ANO4: variants seen among roughly 807,000 people sequenced by gnomAD.
ANO4 encodes anoctamin 4, also known as anoctamin-4.
In ANO4, 69 loss-of-function variants were observed where a neutral mutation model predicts 141.9. That is an observed-to-expected ratio of 0.49 (90% CI 0.40 to 0.59). ANO4 has a LOEUF of 0.59. Ranked by LOEUF, ANO4 falls within the 20% of genes least tolerant of loss-of-function variation. The pLI is 0.00. For missense variants in ANO4, 894 were observed against 1,162.2 expected (o/e 0.77, Z 3.36); for synonymous variants, 350 against 394.3 (o/e 0.89, Z 1.33).
chr12:100,921,841 A>G (rs567850679), intron 2 of ANO4, among the ~76,000 whole-genome samples: 54 of 152,274 alleles, frequency 3.5e-4, no homozygotes, highest in African/African-American at 1.3e-3. Flanking sequence ...TAAGAAGAAG[A>G]TGATATCATA....
At chr12:100,785,127 A>G (rs2033828303) in intron 3 of ANO4, among the ~76,000 whole-genome samples, 1 of 152,166 alleles carries the variant, frequency 6.6e-6, no homozygotes, top group African/African-American at 2.4e-5. Context: ...GTTGAGATGA[A>G]TGTACAGAGA....
At chr12:101,122,934 T>A (rs1439770906) in intron 26 of ANO4, among the ~76,000 whole-genome samples, 1 of 152,204 alleles carries the variant, frequency 6.6e-6, no homozygotes, top group Non-Finnish European at 1.5e-5. Context: ...GTAAAATCTG[T>A]CTAGCAATTG....
chr12:100,906,758 A>T (rs1356109453), intron 2 of ANO4, among the ~76,000 whole-genome samples: 1 of 152,208 alleles, frequency 6.6e-6, no homozygotes, highest in Admixed American at 6.5e-5. Context: ...ACAACTTGAG[A>T]TTCAAGGCTG....
intron 9 of ANO4, 62 bp from the exon 10 acceptor site, chr12:101,037,032 GT>G (rs1168242170): frequency 2.7e-6 from 4 of 1,506,930 alleles, no homozygotes; most frequent in African/African-American, 2.8e-5. Flanking sequence ...ACTTATATTT[GT>G]TTTGAACATT....
At chr12:100,937,576 GTTTT>G (rs940226867) in intron 3 of ANO4, among the ~76,000 whole-genome samples, 3 of 151,884 alleles carry the variant, frequency 2.0e-5, no homozygotes, top group African/African-American at 7.2e-5. Flanking sequence ...AAAGACCATG[GTTTT>G]TTTTCTTTGT....
intron 3 of ANO4, among the ~76,000 whole-genome samples, chr12:100,744,012 C>G (rs1294027274): frequency 1.3e-5 from 2 of 152,152 alleles, no homozygotes; most frequent in Non-Finnish European, 2.9e-5. Flanking sequence ...ATTCCTATAT[C>G]CCCAGCTGAT....
intron 12 of ANO4, among the ~76,000 whole-genome samples, chr12:101,042,961 A>G (rs1263134715): frequency 2.0e-5 from 3 of 152,204 alleles, no homozygotes; most frequent in African/African-American, 7.2e-5. Context: ...TCTTGTTGCA[A>G]GGCTGGACAA....
At chr12:100,810,602 T>C (rs2035357491) in intron 1 of ANO4, among the ~76,000 whole-genome samples, 1 of 152,116 alleles carries the variant, frequency 6.6e-6, no homozygotes, top group African/African-American at 2.4e-5. Flanking sequence ...AGGATAGTGA[T>C]TCTGGAGGTG....
chr12:100,958,545 G>A (rs2043271945), intron 5 of ANO4, among the ~76,000 whole-genome samples: 2 of 152,112 alleles, frequency 1.3e-5, no homozygotes, highest in Admixed American at 6.5e-5. Context: ...AATACAGTAT[G>A]TTAGAAGGTG....
At chr12:101,067,349 T>C (rs1410583363) in intron 14 of ANO4, among the ~76,000 whole-genome samples, 1 of 152,196 alleles carries the variant, frequency 6.6e-6, no homozygotes, top group Non-Finnish European at 1.5e-5. Flanking sequence ...GTCAGTAGAA[T>C]TGATTTCTAG....
At chr12:101,099,292 T>C (rs2050102162) in intron 21 of ANO4, among the ~76,000 whole-genome samples, 1 of 152,230 alleles carries the variant, frequency 6.6e-6, no homozygotes, top group South Asian at 2.1e-4. Flanking sequence ...TATCCATTTA[T>C]AGATATTCTC....
At chr12:101,127,612 A>T (rs148837377) in intron 27 of ANO4, among the ~76,000 whole-genome samples, 14 of 152,300 alleles carry the variant, frequency 9.2e-5, no homozygotes, top group African/African-American at 3.4e-4. Flanking sequence ...GCTTGAAAGC[A>T]TAGTATCTGC....
intron 8 of ANO4, among the ~76,000 whole-genome samples, chr12:100,996,681 G>A (rs777612818): frequency 5.3e-5 from 8 of 152,240 alleles, no homozygotes; most frequent in South Asian, 2.1e-4. Context: ...GTGAAACTCC[G>A]TCTCAAAAGG....
chr12:100,741,646 A>G (rs1387937213), intron 3 of ANO4, among the ~76,000 whole-genome samples: 2 of 152,228 alleles, frequency 1.3e-5, no homozygotes, highest in Non-Finnish European at 2.9e-5. Flanking sequence ...TCAGTTCTGC[A>G]CATGGCAAAA....
At chr12:101,112,700 A>G (rs1198690850) in intron 24 of ANO4, among the ~76,000 whole-genome samples, 1 of 152,174 alleles carries the variant, frequency 6.6e-6, no homozygotes, top group Non-Finnish European at 1.5e-5. Context: ...AATCAACTGA[A>G]CTCATGCAAA....
At chr12:101,044,152 T>C (rs1296666130) in intron 13 of ANO4, among the ~76,000 whole-genome samples, 3 of 152,152 alleles carry the variant, frequency 2.0e-5, no homozygotes, top group African/African-American at 7.2e-5. Flanking sequence ...CTTACCTCTT[T>C]AGCCCTGAAA....
At position 101,066,912 on chromosome 12, in the gene ANO4, A is replaced by G. The variant is rs148881974; in HGVS notation, c.1313-12281A>G. 554 of 846,750 alleles carry G rather than the reference A, an allele frequency of 6.5e-4. No individual in the cohort carries two copies. In the African/African-American group the frequency reaches 8.1e-3, roughly 12 times the overall value. 52.5% of individuals were successfully genotyped at this position (846,750 alleles called of 1,614,324 possible). On this transcript the variant is annotated intron_variant, in intron 14 of 27. Transcript: ENST00000392977. ...AAGACCACACTGCCCACATTTCAGA[A>G]TCCAGAGTTTTCTGTTACAAGGCAA...
intron 1 of ANO4, among the ~76,000 whole-genome samples, chr12:100,847,575 C>T (rs2037638588): frequency 6.6e-6 from 1 of 151,640 alleles, no homozygotes; most frequent in African/African-American, 2.4e-5. Context: ...GGGTTCACGC[C>T]ATTCTCCTGA....
intron 3 of ANO4, among the ~76,000 whole-genome samples, chr12:100,761,302 G>T (rs948613716): frequency 6.6e-6 from 1 of 152,112 alleles, no homozygotes; most frequent in Admixed American, 6.5e-5. Flanking sequence ...AGCATTAGGG[G>T]TCCCCAAGAC....
Sources: allele counts gnomAD v4.1 joint callset (sites outside exome capture counted in the v4.1 genomes callset), GRCh38; gene constraint gnomAD v4.1.1; transcripts MANE v1.5; gene names NCBI Gene and HGNC (gene_info 2026-07-23, HGNC 2026-07-21).